DPP10: variants seen among roughly 807,000 people sequenced by gnomAD.
DPP10 encodes the protein inactive dipeptidyl peptidase 10.
DPP10 carries 33 observed loss-of-function variants against 120.9 expected under a neutral mutation model. That is an observed-to-expected ratio of 0.27 (90% CI 0.21 to 0.37). The LOEUF (loss-of-function observed/expected upper bound fraction) is 0.37, where lower values mean the gene tolerates loss of function less well. DPP10 is among the 10% of genes least tolerant of loss of function. The probability of loss-of-function intolerance (pLI) is 1.00; values close to 1 mark genes in which losing one functional copy is unlikely to be tolerated. For synonymous variants in DPP10, 337 were observed against 326.1 expected (o/e 1.03, Z -0.36); for missense variants, 816 against 942.8 (o/e 0.87, Z 1.76).
At chr2:115,802,780 A>G (rs1162364089) in intron 19 of DPP10, among the ~76,000 whole-genome samples, 1 of 151,830 alleles carries the variant, frequency 6.6e-6, no homozygotes, top group Non-Finnish European at 1.5e-5. Context: ...GTTTGATTGC[A>G]CTGTGGTCTG....
At chr2:114,903,905 G>A (rs967128457) in intron 1 of DPP10, among the ~76,000 whole-genome samples, 1 of 152,220 alleles carries the variant, frequency 6.6e-6, no homozygotes, top group East Asian at 1.9e-4. Flanking sequence ...TGCCTTACAG[G>A]CATCTTGATT....
chr2:115,131,528 GA>G (rs2050358724), intron 1 of DPP10, among the ~76,000 whole-genome samples: 1 of 151,976 alleles, frequency 6.6e-6, no homozygotes, highest in Non-Finnish European at 1.5e-5. Flanking sequence ...GTAACAAGAA[GA>G]AGAAGGGTAG....
chr2:115,378,657 T>G (rs1201976727), intron 3 of DPP10, among the ~76,000 whole-genome samples: 2 of 151,672 alleles, frequency 1.3e-5, no homozygotes, highest in African/African-American at 4.9e-5. Context: ...GCTTCCAGTT[T>G]TTGCCCATTC....
At chr2:114,704,449 G>C (rs1219873894) in intron 1 of DPP10, among the ~76,000 whole-genome samples, 2 of 152,052 alleles carry the variant, frequency 1.3e-5, no homozygotes, top group Non-Finnish European at 2.9e-5. Flanking sequence ...GCTACAGCCA[G>C]TAGGAATGTT....
At chr2:114,524,054 G>A (rs967422976) in intron 1 of DPP10, among the ~76,000 whole-genome samples, 1 of 152,222 alleles carries the variant, frequency 6.6e-6, no homozygotes, top group Non-Finnish European at 1.5e-5. Flanking sequence ...GTGGCATTTT[G>A]CAAACTTACT....
intron 5 of DPP10, among the ~76,000 whole-genome samples, chr2:115,574,892 A>G (rs2149103808): frequency 6.6e-6 from 1 of 152,220 alleles, no homozygotes; most frequent in South Asian, 2.1e-4. Flanking sequence ...TGCCAGACCC[A>G]GTTTGTGGTC....
At chr2:115,104,851 C>T (rs984745305) in intron 1 of DPP10, among the ~76,000 whole-genome samples, 7 of 151,982 alleles carry the variant, frequency 4.6e-5, no homozygotes, top group African/African-American at 7.3e-5. Context: ...ACTAAAAATA[C>T]AAAAATTAGC....
intron 1 of DPP10, among the ~76,000 whole-genome samples, chr2:114,816,574 C>T (rs1383285717): frequency 6.6e-6 from 1 of 152,114 alleles, no homozygotes; most frequent in Non-Finnish European, 1.5e-5. Context: ...GATTGTGTTG[C>T]TCCGTTTTAT....
intron 1 of DPP10, among the ~76,000 whole-genome samples, chr2:115,198,997 C>T (rs1356946122): frequency 6.6e-6 from 1 of 152,110 alleles, no homozygotes; most frequent in Non-Finnish European, 1.5e-5. Context: ...CATCTCCAAA[C>T]ATTTGCAATC....
At chr2:115,696,212 C>A (rs146293354) in intron 7 of DPP10, among the ~76,000 whole-genome samples, 2 of 151,786 alleles carry the variant, frequency 1.3e-5, no homozygotes, top group East Asian at 3.9e-4. Flanking sequence ...AATTAACAGC[C>A]CCAAATTTGA....
intron 1 of DPP10, among the ~76,000 whole-genome samples, chr2:115,067,873 A>AAG (rs1707042171): frequency 1.6e-5 from 2 of 122,588 alleles, no homozygotes; most frequent in Admixed American, 7.8e-5. Flanking sequence ...AAAAAAAAAA[A>AAG]AAAAAAAGAA....
intron 1 of DPP10, among the ~76,000 whole-genome samples, chr2:114,750,662 A>G (rs1282451299): frequency 6.6e-6 from 1 of 152,180 alleles, no homozygotes; most frequent in African/African-American, 2.4e-5. Flanking sequence ...TTCCTCAAGG[A>G]GCCCAGTGTT....
At chr2:115,359,061 A>G (rs2064599122) in intron 3 of DPP10, among the ~76,000 whole-genome samples, 1 of 152,142 alleles carries the variant, frequency 6.6e-6, no homozygotes, top group Non-Finnish European at 1.5e-5. Context: ...AAGATAGCAG[A>G]TGGTTGGGTC....
At chr2:114,845,886 T>C (rs1688511562) in intron 1 of DPP10, among the ~76,000 whole-genome samples, 1 of 152,198 alleles carries the variant, frequency 6.6e-6, no homozygotes, top group Non-Finnish European at 1.5e-5. Context: ...TAAACCTCTT[T>C]ATTTCCCTAG....
chr2:114,542,734 A>G (rs1451165000), intron 1 of DPP10, among the ~76,000 whole-genome samples: 3 of 152,224 alleles, frequency 2.0e-5, no homozygotes, highest in African/African-American at 7.2e-5. Flanking sequence ...AATCTATGTT[A>G]AAAAATTCTT....
intron 3 of DPP10, among the ~76,000 whole-genome samples, chr2:115,493,432 A>G (rs1173613059): frequency 6.6e-6 from 1 of 151,986 alleles, no homozygotes; most frequent in African/African-American, 2.4e-5. Flanking sequence ...GAACTGGCCT[A>G]TGGGAAATGT....
chr2:114,743,279 A>C (rs1443087632), intron 1 of DPP10, among the ~76,000 whole-genome samples: 1 of 152,148 alleles, frequency 6.6e-6, no homozygotes, highest in African/African-American at 2.4e-5. Flanking sequence ...TATGATTCAA[A>C]TCCTGATTCC....
At chr2:115,063,678 G>T (rs767665993) in intron 1 of DPP10, among the ~76,000 whole-genome samples, 28 of 152,096 alleles carry the variant, frequency 1.8e-4, no homozygotes, top group Admixed American at 3.9e-4. Flanking sequence ...AGGATTCCCT[G>T]TTTAATAAAT....
intron 7 of DPP10, among the ~76,000 whole-genome samples, chr2:115,703,913 C>A (rs1231148089): frequency 6.6e-6 from 1 of 151,942 alleles, no homozygotes; most frequent in Non-Finnish European, 1.5e-5. Flanking sequence ...AGAGCCTCAT[C>A]ATCTTTCACC....
Sources: allele counts gnomAD v4.1 joint callset (sites outside exome capture counted in the v4.1 genomes callset), GRCh38; gene constraint gnomAD v4.1.1; transcripts MANE v1.5; gene names NCBI Gene and HGNC (gene_info 2026-07-23, HGNC 2026-07-21).